ST18: variants seen among roughly 807,000 people sequenced by gnomAD.
The protein encoded by ST18 is ST18 C2H2C-type zinc finger transcription factor.
ST18 carries 50 observed loss-of-function variants against 110.0 expected under a neutral mutation model. That is an observed-to-expected ratio of 0.45 (90% CI 0.36 to 0.58). The LOEUF is 0.58. ST18 is among the 20% of genes least tolerant of loss of function. The pLI is 0.00. For missense variants in ST18, 1,306 were observed against 1,280.1 expected, an observed-to-expected ratio of 1.02 and a Z score of -0.31; for synonymous variants, 461 against 452.4, an observed-to-expected ratio of 1.02 and a Z score of -0.24.
intron 22 of ST18, among the ~76,000 whole-genome samples, chr8:52,126,440 C>A (rs551458455): frequency 6.6e-5 from 10 of 152,220 alleles, no homozygotes; most frequent in African/African-American, 1.9e-4. Context: ...CAAGTAAGTT[C>A]TTTTGTTTAG....
At chr8:52,147,231 C>T (rs79425066) in intron 16 of ST18, among the ~76,000 whole-genome samples, 2,970 of 152,138 alleles carry the variant, frequency 0.02, 44 homozygotes, top group South Asian at 0.038. Context: ...GATATATATG[C>T]ATGAGAAAAA....
At chr8:52,354,356 G>C (rs1221029747) in intron 2 of ST18, among the ~76,000 whole-genome samples, 1 of 152,212 alleles carries the variant, frequency 6.6e-6, no homozygotes, top group Admixed American at 6.5e-5. Flanking sequence ...GGGGAGTCTT[G>C]AGAAGTGGTC....
chr8:52,350,955 C>A (rs1016856872), intron 2 of ST18, among the ~76,000 whole-genome samples: 3 of 151,914 alleles, frequency 2.0e-5, no homozygotes, highest in African/African-American at 7.3e-5. Flanking sequence ...CTCCTGACCT[C>A]ATCATCTGCC....
At chr8:52,290,188 A>C (rs532140320) in intron 2 of ST18, among the ~76,000 whole-genome samples, 1 of 152,118 alleles carries the variant, frequency 6.6e-6, no homozygotes, top group African/African-American at 2.4e-5. Flanking sequence ...CTCCTCCTTC[A>C]TGTGACCACC....
chr8:52,215,768 C>T (rs578217157), intron 6 of ST18, among the ~76,000 whole-genome samples: 52 of 152,238 alleles, frequency 3.4e-4, no homozygotes, highest in African/African-American at 1.1e-3. Context: ...ACAGATGTGA[C>T]ACTGCCTAAG....
intron 2 of ST18, among the ~76,000 whole-genome samples, chr8:52,304,374 A>T (rs954349271): frequency 1.3e-5 from 2 of 152,214 alleles, no homozygotes; most frequent in Non-Finnish European, 2.9e-5. Context: ...ATCTGTACTG[A>T]TAAGGTTAAA....
chr8:52,136,899 C>A (rs943803251), intron 18 of ST18, among the ~76,000 whole-genome samples: 2 of 152,122 alleles, frequency 1.3e-5, no homozygotes, highest in African/African-American at 4.8e-5. Context: ...CAATGAGACC[C>A]CCCAACTCTA....
chr8:52,146,703 T>G (rs1293117465), intron 16 of ST18, among the ~76,000 whole-genome samples: 1 of 152,206 alleles, frequency 6.6e-6, no homozygotes, highest in Non-Finnish European at 1.5e-5. Context: ...TACAATCTAA[T>G]TTTTCAAAAT....
chr8:52,314,356 TTA>T (rs2095983108), intron 2 of ST18, among the ~76,000 whole-genome samples: 1 of 152,126 alleles, frequency 6.6e-6, no homozygotes, highest in Non-Finnish European at 1.5e-5. Context: ...ACAGGCCCAT[TTA>T]ATGGACTCTT....
At chr8:52,198,548 A>C (rs1267282130) in intron 8 of ST18, among the ~76,000 whole-genome samples, 1 of 152,216 alleles carries the variant, frequency 6.6e-6, no homozygotes, top group African/African-American at 2.4e-5. Flanking sequence ...AGAACTCGCT[A>C]ACATACTGGA....
intron 2 of ST18, among the ~76,000 whole-genome samples, chr8:52,377,619 G>A (rs1345999200): frequency 6.6e-6 from 1 of 152,230 alleles, no homozygotes; most frequent in East Asian, 1.9e-4. Flanking sequence ...TGGCAAGGAT[G>A]AGGAGAAAGG....
intron 3 of ST18, among the ~76,000 whole-genome samples, chr8:52,223,894 A>G (rs2088076958): frequency 2.6e-5 from 4 of 152,202 alleles, no homozygotes; most frequent in Admixed American, 2.6e-4. Flanking sequence ...GCATCCTCTC[A>G]GAAGTTCAGA....
chr8:52,349,606 A>G (rs1488993713), intron 2 of ST18, among the ~76,000 whole-genome samples: 1 of 152,232 alleles, frequency 6.6e-6, no homozygotes, highest in East Asian at 1.9e-4. Flanking sequence ...GGACAAATAT[A>G]AAAGTGTGAG....
chr8:52,121,290 G>T (rs2044705934), intron 23 of ST18, among the ~76,000 whole-genome samples: 1 of 152,188 alleles, frequency 6.6e-6, no homozygotes, highest in Non-Finnish European at 1.5e-5. Context: ...AGGAAACATT[G>T]TCATGGGATC....
At chr8:52,253,261 C>CA (rs942285035) in intron 2 of ST18, among the ~76,000 whole-genome samples, 2 of 152,116 alleles carry the variant, frequency 1.3e-5, no homozygotes, top group African/African-American at 4.8e-5. Flanking sequence ...TTTATTAAAA[C>CA]AAAAGGAATA....
intron 2 of ST18, among the ~76,000 whole-genome samples, chr8:52,352,221 G>A (rs1009332178): frequency 6.6e-6 from 1 of 152,156 alleles, no homozygotes. Context: ...AGTGAGAGGC[G>A]ATGGAGAAAC....
At chr8:52,220,548 T>C (rs1483192691) in intron 5 of ST18, 193 bp downstream of exon 5, 4 of 152,172 alleles carry the variant, frequency 2.6e-5, no homozygotes, top group Non-Finnish European at 1.5e-5. Flanking sequence ...TTTGCCTATT[T>C]AATATTTTAA....
At chr8:52,121,516 C>T (rs773775189) in intron 23 of ST18, among the ~76,000 whole-genome samples, 1 of 152,056 alleles carries the variant, frequency 6.6e-6, no homozygotes, top group Non-Finnish European at 1.5e-5. Flanking sequence ...TCTCTAAGAA[C>T]CTTTGGATTT....
intron 2 of ST18, among the ~76,000 whole-genome samples, chr8:52,376,709 C>T (rs547506629): frequency 5.9e-5 from 9 of 152,164 alleles, no homozygotes; most frequent in African/African-American, 1.4e-4. Flanking sequence ...GAACAGAGCC[C>T]GGTACACAGT....
Sources: gnomAD v4.1 joint callset for allele counts (sites outside exome capture counted in the v4.1 genomes callset) on GRCh38, gnomAD v4.1.1 for gene constraint, MANE v1.5 for transcripts, NCBI Gene and HGNC (gene_info 2026-07-23, HGNC 2026-07-21) for gene names.